The following CABIN1 variants were observed in gnomAD, a reference collection of about 807,000 sequenced individuals.
The protein encoded by CABIN1 is calcineurin binding protein 1.
CABIN1 carries 133 observed loss-of-function variants against 227.7 expected under a neutral mutation model. That is an observed-to-expected ratio of 0.58 (90% CI 0.51 to 0.67). CABIN1 has a LOEUF of 0.67. Ranked by LOEUF, CABIN1 falls within the 30% of genes least tolerant of loss-of-function variation. The probability of loss-of-function intolerance (pLI) is 0.00; values close to 1 mark genes in which losing one functional copy is unlikely to be tolerated. For synonymous variants in CABIN1, 1,086 were observed against 1,155.1 expected, an observed-to-expected ratio of 0.94 and a Z score of 1.21; for missense variants, 2,408 against 2,852.5, an observed-to-expected ratio of 0.84 and a Z score of 3.55.
At chr22:24,123,196 A>C (rs1602213651) in intron 28 of CABIN1, among the ~76,000 whole-genome samples, 1 of 152,160 alleles carries the variant, frequency 6.6e-6, no homozygotes, top group East Asian at 1.9e-4. Context: ...CATTGATGTC[A>C]GTATCCCCAG....
intron 29 of CABIN1, among the ~76,000 whole-genome samples, chr22:24,155,323 C>A (rs137879127): frequency 6.6e-6 from 1 of 152,070 alleles, no homozygotes; most frequent in African/African-American, 2.4e-5. Flanking sequence ...GGAGAGCGAC[C>A]CTCCCTGAGC....
At chr22:24,065,373 C>T (rs2039561481) in intron 15 of CABIN1, among the ~76,000 whole-genome samples, 1 of 150,466 alleles carries the variant, frequency 6.6e-6, no homozygotes, top group Non-Finnish European at 1.5e-5. Context: ...AGATAATGGG[C>T]AGCCGGGCAG....
At chr22:24,062,835 T>A in intron 13 of CABIN1, 124 bp from the exon 14 acceptor site, 1 of 918,432 alleles carries the variant, frequency 1.1e-6, no homozygotes, top group Admixed American at 1.7e-5. Flanking sequence ...TGTAGGGCTC[T>A]GAGGGGCTTA....
intron 28 of CABIN1, among the ~76,000 whole-genome samples, chr22:24,120,629 C>A (rs1043255533): frequency 6.6e-6 from 1 of 152,008 alleles, no homozygotes; most frequent in Non-Finnish European, 1.5e-5. Context: ...GAAGACCAAC[C>A]TGGTGAATCC....
At chr22:24,016,588 CAG>C (rs1465073719) in intron 1 of CABIN1, among the ~76,000 whole-genome samples, 1 of 152,202 alleles carries the variant, frequency 6.6e-6, no homozygotes, top group Non-Finnish European at 1.5e-5. Flanking sequence ...CAGTTACAAA[CAG>C]TGCTGCACGG....
intron 29 of CABIN1, among the ~76,000 whole-genome samples, chr22:24,149,774 C>T (rs1039705162): frequency 6.6e-6 from 1 of 152,202 alleles, no homozygotes; most frequent in Non-Finnish European, 1.5e-5. Flanking sequence ...CTGCTCAGAG[C>T]CTGCTATTGG....
intron 26 of CABIN1, among the ~76,000 whole-genome samples, chr22:24,113,365 A>G (rs1432232456): frequency 2.0e-5 from 3 of 152,220 alleles, no homozygotes; most frequent in Non-Finnish European, 2.9e-5. Flanking sequence ...AGGGTTGACC[A>G]TGGAGATTGG....
chr22:24,101,129 A>C (rs1288767386), intron 26 of CABIN1, among the ~76,000 whole-genome samples: 2 of 152,140 alleles, frequency 1.3e-5, no homozygotes, highest in Non-Finnish European at 2.9e-5. Context: ...CAGAACAATT[A>C]ACTTTCCAGC....
chr22:24,036,281 G>A, intron 3 of CABIN1, 100 bp downstream of exon 3: 2 of 860,428 alleles, frequency 2.3e-6, no homozygotes, highest in African/African-American at 1.7e-5. Flanking sequence ...GGGGCTTTAG[G>A]GGGAAATTCC....
At position 24,064,085 on chromosome 22, in the gene CABIN1, C is replaced by A. The variant is rs143222778; in HGVS notation, c.1935C>A (p.Leu645=). The change falls in exon 15 of 37, where the codon CTC becomes CTA. Residue 645 remains leucine (L), a synonymous_variant. Coordinates refer to ENST00000263119, the MANE Select transcript of CABIN1 (RefSeq NM_012295.4). ...ACTATGACATCTGCACAGAAATGCT[C>A]CAGAGTTCCACCGCCATCCAGGTGG... ...LENYDICTEM[L]QSSTAIQVEA... The A allele has an allele frequency of 1.2e-4, 189 of 1,614,166 alleles. No homozygotes were observed. Among genetic ancestry groups the A allele is most frequent in the Admixed American group, 6.0e-4 (36 of 60,026 alleles).
chr22:24,051,870 G>C (rs764909901), intron 8 of CABIN1, among the ~76,000 whole-genome samples: 4 of 152,114 alleles, frequency 2.6e-5, no homozygotes, highest in African/African-American at 4.8e-5. Flanking sequence ...GGCTGGCTCT[G>C]ATCCGTATTA....
chr22:24,042,877 T>TGTGTGTGTGTGTGTG (rs1491335662), intron 5 of CABIN1, 27 bp from the exon 6 acceptor site: 15 of 1,463,634 alleles, frequency 1.0e-5, no homozygotes, highest in South Asian at 2.3e-5. Flanking sequence ...TGTGTGTGTG[T>TGTGTGTGTGTGTGTG]TTGCCCTCTG....
intron 11 of CABIN1, among the ~76,000 whole-genome samples, chr22:24,059,602 G>C (rs1306523256): frequency 6.6e-6 from 1 of 152,152 alleles, no homozygotes; most frequent in Non-Finnish European, 1.5e-5. Context: ...TTTGCAAATT[G>C]AATCTATATA....
chr22:24,012,449 T>C (rs1040104306), intron 1 of CABIN1, among the ~76,000 whole-genome samples: 3 of 152,152 alleles, frequency 2.0e-5, no homozygotes, highest in African/African-American at 7.2e-5. Flanking sequence ...GGAAACAGAC[T>C]GAGAGACTGA....
chr22:24,067,283 C>A (rs2039753467), intron 16 of CABIN1, 102 bp downstream of exon 16: 3 of 1,230,628 alleles, frequency 2.4e-6, no homozygotes, highest in Non-Finnish European at 3.5e-6. Flanking sequence ...GAATGTATAG[C>A]TAGAAGAGAG....
rs1420485520 is a variant in CABIN1 at position 24,119,678 on chromosome 22, A to T, written c.4612A>T (p.Thr1538Ser). Residue 1538 changes from threonine (T) to serine (S), a missense_variant, in exon 28 of 37, where the codon ACC becomes TCC. By Grantham distance (58) the Thr-to-Ser change is moderately conservative. This residue lies in a region of CABIN1 where 649 missense variants were observed against 910.3 expected (regional missense o/e 0.71). Transcript: ENST00000263119. Reference sequence around the variant, plus strand: ...TCTCTACCGTCTGGCCTTCCTCTACACCTACAGCAAGACCCACCGGGTGAG... The same window carrying T: ...TCTCTACCGTCTGGCCTTCCTCTACTCCTACAGCAAGACCCACCGGGTGAG... Reference protein sequence around the residue: ...KSLYRLAFLYTYSKTHRNLQW... With the variant: ...KSLYRLAFLYSYSKTHRNLQW... 2 of 1,613,876 alleles carry T rather than the reference A, an allele frequency of 1.2e-6. No individual in the cohort carries two copies. Among genetic ancestry groups the T allele is most frequent in the East Asian group, 4.5e-5 (2 of 44,876 alleles).
intron 28 of CABIN1, among the ~76,000 whole-genome samples, chr22:24,124,959 A>G (rs1363079910): frequency 1.3e-5 from 2 of 152,222 alleles, no homozygotes; most frequent in Admixed American, 6.5e-5. Flanking sequence ...CTACAAATCT[A>G]TAATATACTA....
intron 1 of CABIN1, among the ~76,000 whole-genome samples, chr22:24,034,809 T>C (rs1178096555): frequency 6.6e-6 from 1 of 152,234 alleles, no homozygotes; most frequent in East Asian, 1.9e-4. Context: ...TCTCTAATTA[T>C]TTTTCTATTA....
At chr22:24,013,050 C>T (rs536453422) in intron 1 of CABIN1, among the ~76,000 whole-genome samples, 150 of 151,820 alleles carry the variant, frequency 9.9e-4, no homozygotes, top group African/African-American at 3.4e-3. Context: ...CGTCAGACAC[C>T]GCGCCCGGCC....
Sources: allele counts gnomAD v4.1 joint callset (sites outside exome capture counted in the v4.1 genomes callset), GRCh38; gene constraint gnomAD v4.1.1; regional missense constraint gnomAD v4.1.1; transcripts MANE v1.5; gene names NCBI Gene and HGNC (gene_info 2026-07-23, HGNC 2026-07-21).